Variants in NBEA observed in about 807,000 individuals in gnomAD.
NBEA encodes the protein neurobeachin.
In NBEA, 44 loss-of-function variants were observed where a neutral mutation model predicts 343.4. The observed-to-expected ratio is 0.13, with a 90% CI of 0.10 to 0.16. The LOEUF is 0.16. Ranked by LOEUF, NBEA falls within the 10% of genes least tolerant of loss-of-function variation. The pLI is 1.00. For synonymous variants in NBEA, 1,175 were observed against 1,238.7 expected, an observed-to-expected ratio of 0.95 and a Z score of 1.08; for missense variants, 2,555 against 3,631.3, an observed-to-expected ratio of 0.70 and a Z score of 7.62.
At position 35,142,334 on chromosome 13, in the gene NBEA, A is replaced by C. The variant is rs369043494; in HGVS notation, c.2402A>C (p.His801Pro). The change falls in exon 18 of 59, where the codon CAT becomes CCT. Residue 801 changes from histidine (H) to proline (P), a missense_variant. His to Pro is a moderately conservative substitution (Grantham distance 77, BLOSUM62 -2). Transcript: ENST00000379939. Reference sequence around the variant, plus strand: ...CTTCTTGGAGAAAGGCTGATGTTGCATACAAACACTGTGACTGTCACCACA... The same window carrying C: ...CTTCTTGGAGAAAGGCTGATGTTGCCTACAAACACTGTGACTGTCACCACA... ...FTLLGERLML[H>P]TNTVTVTTYN... The C allele has an allele frequency of 1.2e-6, 2 of 1,613,344 alleles. No individual in the cohort carries two copies.
chr13:35,515,116 G>A (rs763899687), intron 41 of NBEA, among the ~76,000 whole-genome samples: 59 of 152,168 alleles, frequency 3.9e-4, no homozygotes, highest in African/African-American at 9.7e-4. Context: ...GAGTGAAGAC[G>A]AATCTGTAAC....
At chr13:35,390,634 A>T (rs993320775) in intron 38 of NBEA, among the ~76,000 whole-genome samples, 1 of 152,178 alleles carries the variant, frequency 6.6e-6, no homozygotes, top group African/African-American at 2.4e-5. Flanking sequence ...TAATGCTAAA[A>T]TAAGGCTATT....
At chr13:35,516,792 A>C (rs1333296117) in intron 41 of NBEA, among the ~76,000 whole-genome samples, 1 of 152,208 alleles carries the variant, frequency 6.6e-6, no homozygotes, top group Non-Finnish European at 1.5e-5. Flanking sequence ...TGTGTCAGAC[A>C]CTGTTCTAGG....
chr13:35,367,779 A>G (rs753186723), intron 38 of NBEA, among the ~76,000 whole-genome samples: 1 of 151,478 alleles, frequency 6.6e-6, no homozygotes, highest in Non-Finnish European at 1.5e-5. Flanking sequence ...AGGCAGTAAA[A>G]TATGCCAAAT....
In NBEA at chr13:35,440,562, A is replaced by G. The variant is rs190911482; in HGVS notation, c.6304+8169A>G. On this transcript the variant is annotated intron_variant, in intron 39 of 58. Coordinates refer to ENST00000379939, the MANE Select transcript of NBEA (RefSeq NM_001385012.1). ...AATGAGTGGGAGAGTGGCATTGTGGAAAAAGGGAGCACATAATACAACATA... is the reference window on the plus strand; with the variant it reads ...AATGAGTGGGAGAGTGGCATTGTGGGAAAAGGGAGCACATAATACAACATA... 4.3e-3 allele frequency among the ~76,000 whole-genome samples: 657 copies of G among 152,276 alleles called. 2 individuals are homozygous for G. The highest frequency in any genetic ancestry group is 7.0e-3 in the Non-Finnish European group (473 of 68,010).
intron 10 of NBEA, among the ~76,000 whole-genome samples, chr13:35,088,334 A>G (rs985241322): frequency 2.0e-5 from 3 of 151,936 alleles, no homozygotes; most frequent in Admixed American, 1.3e-4. Flanking sequence ...GACAGACGTT[A>G]TTTAGGAAAC....
intron 38 of NBEA, among the ~76,000 whole-genome samples, chr13:35,379,123 C>T (rs772131598): frequency 1.9e-4 from 29 of 151,780 alleles, no homozygotes; most frequent in Non-Finnish European, 3.8e-4. Flanking sequence ...GAGCATATAC[C>T]TAGGATTGGA....
Position 35,159,776 on chromosome 13 carries a change from T to C in NBEA, c.3605T>C (p.Ile1202Thr), listed in dbSNP as rs1321838098. ...GSVDLTCTSSIIEEKEFKIHT... is the reference protein window; with the variant it reads ...GSVDLTCTSSTIEEKEFKIHT... ...GTAGACTTAACTTGTACATCCAGTA[T>C]AATAGAAGAAAAAGAATTCAAAATC... is the stretch of plus-strand genomic sequence containing the variant. The change falls in exon 22 of 59, where the codon ATA becomes ACA. Residue 1202 changes from isoleucine to threonine, a missense_variant. By Grantham distance (89) the Ile-to-Thr change is moderately conservative. Transcript: ENST00000379939. 1 of 1,612,856 alleles carries C rather than the reference T, an allele frequency of 6.2e-7. No individual in the cohort carries two copies. Among genetic ancestry groups the C allele is most frequent in the Non-Finnish European group, 8.5e-7 (1 of 1,179,452 alleles).
intron 8 of NBEA, among the ~76,000 whole-genome samples, chr13:35,068,703 C>T (rs577764496): frequency 5.9e-5 from 9 of 152,248 alleles, no homozygotes; most frequent in East Asian, 1.9e-4. Context: ...AGTCTCTACA[C>T]GCTAGTCCAG....
At chr13:35,335,990 T>C (rs547120640) in intron 36 of NBEA, among the ~76,000 whole-genome samples, 3 of 152,228 alleles carry the variant, frequency 2.0e-5, no homozygotes, top group Admixed American at 6.5e-5. Flanking sequence ...ACCTGCCTGG[T>C]TGATTATTGA....
chr13:35,591,036 G>A (rs965434400), intron 46 of NBEA, among the ~76,000 whole-genome samples: 1 of 152,016 alleles, frequency 6.6e-6, no homozygotes, highest in Non-Finnish European at 1.5e-5. Context: ...GGTACAGTGC[G>A]TAAAGCTGGT....
chr13:35,081,305 A>G (rs2064381978), intron 10 of NBEA, among the ~76,000 whole-genome samples: 1 of 152,298 alleles, frequency 6.6e-6, no homozygotes, highest in South Asian at 2.1e-4. Flanking sequence ...ATTTGTGGTG[A>G]AAATATTGTT....
At position 35,171,338 on chromosome 13, in the gene NBEA, C is replaced by T. The variant is rs376531635; in HGVS notation, c.4309C>T (p.Arg1437Trp). Residue 1437 changes from arginine (R) to tryptophan (W), a missense_variant, in exon 26 of 59, where the codon CGG becomes TGG. By Grantham distance (101) the Arg-to-Trp change is moderately radical (BLOSUM62 -3). This residue lies in a region of NBEA where 168 missense variants were observed against 193.0 expected (regional missense o/e 0.87). Coordinates refer to ENST00000379939, the MANE Select transcript of NBEA (RefSeq NM_001385012.1). ...SAETAVTFLS[R>W]LMAMVDVLVF... is the part of the protein sequence containing the mutation. The stretch of plus-strand genomic sequence containing the variant: ...TGAGACAGCAGTAACTTTCCTCAGC[C>T]GGCTGATGGCTATGGTTGATGTACT... The T allele has an allele frequency of 3.1e-6, 5 of 1,612,254 alleles. No individual in the cohort carries two copies. The highest frequency in any genetic ancestry group is 1.1e-5 in the South Asian group (1 of 90,972).
At chr13:35,140,299 G>A (rs1403768749) in intron 17 of NBEA, among the ~76,000 whole-genome samples, 3 of 151,970 alleles carry the variant, frequency 2.0e-5, no homozygotes, top group Admixed American at 1.3e-4. Flanking sequence ...CAGGCATGAG[G>A]CACTGAGCTG....
intron 1 of NBEA, among the ~76,000 whole-genome samples, chr13:34,994,827 C>T (rs1488092902): frequency 1.3e-5 from 2 of 152,148 alleles, no homozygotes. Context: ...GACTCTTGTG[C>T]ATATGGATGG....
intron 1 of NBEA, among the ~76,000 whole-genome samples, chr13:35,013,298 ACTG>A (rs2061546262): frequency 6.6e-6 from 1 of 152,176 alleles, no homozygotes; most frequent in South Asian, 2.1e-4. Context: ...CTAGAAACTT[ACTG>A]TTTTCCCTCT....
intron 41 of NBEA, among the ~76,000 whole-genome samples, chr13:35,482,344 ACTAT>A (rs1329732436): frequency 2.6e-5 from 4 of 151,502 alleles, no homozygotes; most frequent in Non-Finnish European, 5.9e-5. Flanking sequence ...TATAGAGATA[ACTAT>A]CTGAGAATAT....
chr13:35,026,184 C>T (rs2062014599), intron 1 of NBEA, among the ~76,000 whole-genome samples: 1 of 152,082 alleles, frequency 6.6e-6, no homozygotes, highest in African/African-American at 2.4e-5. Flanking sequence ...CTCATTCTGT[C>T]TCCTGCTGCC....
chr13:35,116,953 G>T lies in NBEA; in HGVS notation c.2003-461G>T, dbSNP rs1352469849. 2.0e-5 allele frequency among the ~76,000 whole-genome samples: 3 copies of T among 152,060 alleles called. No individual in the cohort carries two copies. In the East Asian group the frequency reaches 5.8e-4, roughly 29 times the overall value. On this transcript the variant is annotated intron_variant, in intron 13 of 58. Transcript: ENST00000379939. ...ACAAGTGACATAGAAGAAATAGGCT[G>T]CAAAACAAATAATTGCAATAAAACA... is the stretch of plus-strand genomic sequence containing the variant.
Sources: allele counts gnomAD v4.1 joint callset (sites outside exome capture counted in the v4.1 genomes callset), GRCh38; gene constraint gnomAD v4.1.1; regional missense constraint gnomAD v4.1.1; transcripts MANE v1.5; gene names NCBI Gene and HGNC (gene_info 2026-07-23, HGNC 2026-07-21).